PRKCQ: variants seen among roughly 807,000 people sequenced by gnomAD.
The protein encoded by PRKCQ is protein kinase C theta.
PRKCQ carries 41 observed loss-of-function variants against 91.2 expected under a neutral mutation model. The observed-to-expected ratio is 0.45, with a 90% CI of 0.35 to 0.58. PRKCQ has a LOEUF of 0.58. Among genes scored for constraint, PRKCQ ranks in the 20% least tolerant of loss-of-function variants. The pLI is 0.00. For synonymous variants in PRKCQ, 307 were observed against 316.9 expected, an observed-to-expected ratio of 0.97 and a Z score of 0.33; for missense variants, 673 against 896.5, an observed-to-expected ratio of 0.75 and a Z score of 3.18.
At chr10:6,530,798 C>T (rs1392944313) in intron 1 of PRKCQ, among the ~76,000 whole-genome samples, 3 of 152,294 alleles carry the variant, frequency 2.0e-5, no homozygotes, top group African/African-American at 4.8e-5. Flanking sequence ...TACTTAGGTT[C>T]CTAGGCCAGC....
chr10:6,547,214 T>C (rs559901437), intron 1 of PRKCQ, among the ~76,000 whole-genome samples: 7 of 152,122 alleles, frequency 4.6e-5, no homozygotes, highest in Non-Finnish European at 8.8e-5. Flanking sequence ...TACAAACCAC[T>C]GCTCAATGAA....
intron 1 of PRKCQ, among the ~76,000 whole-genome samples, chr10:6,538,138 C>T (rs1839651882): frequency 6.6e-6 from 1 of 152,242 alleles, no homozygotes; most frequent in Non-Finnish European, 1.5e-5. Context: ...CTTCATTGTG[C>T]CTCACTCTGT....
chr10:6,463,074 T>C (rs944737177), intron 13 of PRKCQ, among the ~76,000 whole-genome samples: 10 of 152,190 alleles, frequency 6.6e-5, no homozygotes, highest in African/African-American at 1.9e-4. Flanking sequence ...AAACTCTGGT[T>C]GGCACCCATA....
chr10:6,533,537 A>G (rs1322260635), intron 1 of PRKCQ, among the ~76,000 whole-genome samples: 2 of 152,288 alleles, frequency 1.3e-5, no homozygotes, highest in East Asian at 3.9e-4. Flanking sequence ...GGATAATGAG[A>G]TGGATCCACC....
chr10:6,464,188 G>A (rs1384676305), intron 13 of PRKCQ, 125 bp downstream of exon 13: 3 of 801,826 alleles, frequency 3.7e-6, no homozygotes, highest in South Asian at 3.1e-5. Context: ...CGCCTTGCTC[G>A]ATGTATTCCC....
chr10:6,549,238 A>T (rs1408257333), intron 1 of PRKCQ, among the ~76,000 whole-genome samples: 1 of 152,204 alleles, frequency 6.6e-6, no homozygotes, highest in Non-Finnish European at 1.5e-5. Context: ...TTCTGACTGT[A>T]TCATGGAGAA....
the PRKCQ span, among the ~76,000 whole-genome samples, chr10:6,413,537 GCACA>G: frequency 1.6e-3 from 90 of 56,878 alleles, 2 homozygotes; most frequent in African/African-American, 8.0e-3. Flanking sequence ...TGCCACTTGT[GCACA>G]CACACACACA....
At chr10:6,500,428 T>C (rs1837842019) in intron 4 of PRKCQ, among the ~76,000 whole-genome samples, 1 of 151,266 alleles carries the variant, frequency 6.6e-6, no homozygotes, top group South Asian at 2.1e-4. Context: ...TATGTTTATA[T>C]ACATATATGT....
intron 8 of PRKCQ, among the ~76,000 whole-genome samples, chr10:6,486,627 C>T (rs1027451839): frequency 2.6e-5 from 4 of 152,246 alleles, no homozygotes; most frequent in African/African-American, 9.6e-5. Flanking sequence ...AACTGTAATA[C>T]CGTTGGCCAA....
chr10:6,426,892 C>G (rs1056333067), downstream of PRKCQ, among the ~76,000 whole-genome samples: 2 of 152,164 alleles, frequency 1.3e-5, no homozygotes, highest in Non-Finnish European at 1.5e-5. Flanking sequence ...CCCGCCACCA[C>G]GCCTGGCTAA....
chr10:6,494,249 A>G (rs891534747), intron 7 of PRKCQ, among the ~76,000 whole-genome samples: 6 of 152,168 alleles, frequency 3.9e-5, no homozygotes, highest in Non-Finnish European at 8.8e-5. Flanking sequence ...TCCAGGGACC[A>G]GTCTCCACCA....
intron 1 of PRKCQ, among the ~76,000 whole-genome samples, chr10:6,534,128 GA>G (rs1199239343): frequency 2.0e-5 from 3 of 152,010 alleles, no homozygotes; most frequent in Non-Finnish European, 4.4e-5. Context: ...ATCCCCTAAT[GA>G]AAAAATGGGC....
At chr10:6,535,090 G>T (rs887463759) in intron 1 of PRKCQ, among the ~76,000 whole-genome samples, 1 of 152,110 alleles carries the variant, frequency 6.6e-6, no homozygotes, top group Non-Finnish European at 1.5e-5. Context: ...CAAGGCTGCC[G>T]AGCTTGTAAG....
At chr10:6,485,419 C>T (rs1282188927) in intron 9 of PRKCQ, 150 bp from the exon 10 acceptor site, 2 of 679,290 alleles carry the variant, frequency 2.9e-6, no homozygotes, top group East Asian at 2.6e-5. Context: ...TTTTGGAACC[C>T]CATATTCTGG....
chr10:6,559,896 C>A (rs780372817), intron 1 of PRKCQ, among the ~76,000 whole-genome samples: 1 of 152,132 alleles, frequency 6.6e-6, no homozygotes, highest in Non-Finnish European at 1.5e-5. Context: ...TATTTCGTTA[C>A]GTACACAGAA....
At chr10:6,549,571 G>A (rs185465521) in intron 1 of PRKCQ, among the ~76,000 whole-genome samples, 3 of 151,348 alleles carry the variant, frequency 2.0e-5, no homozygotes, top group African/African-American at 7.3e-5. Context: ...GACAAAAACT[G>A]CAATTATGTA....
chr10:6,539,551 C>T (rs1230297621), intron 1 of PRKCQ, among the ~76,000 whole-genome samples: 6 of 151,996 alleles, frequency 3.9e-5, no homozygotes, highest in Non-Finnish European at 7.4e-5. Context: ...TGCAGGAAAA[C>T]AAGCTCAGGG....
At chr10:6,442,206 T>C in intron 15 of PRKCQ, 125 bp from the exon 16 acceptor site, 1 of 923,462 alleles carries the variant, frequency 1.1e-6, no homozygotes, top group Admixed American at 2.9e-5. Context: ...AAGATCACCC[T>C]GAAACCCATC....
chr10:6,412,449 A>G, the PRKCQ span, among the ~76,000 whole-genome samples: 2 of 152,250 alleles, frequency 1.3e-5, no homozygotes, highest in Non-Finnish European at 2.9e-5. Flanking sequence ...GTAAGAATAT[A>G]GAAGAAAAAC....
Sources: gnomAD v4.1 joint callset for allele counts (sites outside exome capture counted in the v4.1 genomes callset) on GRCh38, gnomAD v4.1.1 for gene constraint, MANE v1.5 for transcripts, NCBI Gene and HGNC (gene_info 2026-07-23, HGNC 2026-07-21) for gene names.